Variants in CMSS1 observed in about 807,000 individuals in gnomAD.
The protein encoded by CMSS1 is cms1 ribosomal small subunit homolog.
In CMSS1, 33 loss-of-function variants were observed where a neutral mutation model predicts 43.5. The ratio of observed to expected loss-of-function variants is 0.76; its 90% CI spans 0.57 to 1.01. The LOEUF (loss-of-function observed/expected upper bound fraction) is 1.01. Among genes scored for constraint, CMSS1 ranks in the 50% least tolerant of loss-of-function variants. The pLI, the probability that CMSS1 is intolerant of heterozygous loss-of-function variation, is 0.00. For synonymous variants in CMSS1, 115 were observed against 117.2 expected (o/e 0.98, Z 0.12); for missense variants, 313 against 326.4 (o/e 0.96, Z 0.32).
intron 1 of CMSS1, among the ~76,000 whole-genome samples, chr3:100,141,259 A>G (rs902583343): frequency 2.0e-5 from 3 of 152,252 alleles, no homozygotes; most frequent in Non-Finnish European, 4.4e-5. Flanking sequence ...GCACTAGAAC[A>G]GCTAGCAATC....
chr3:99,937,370 C>A (rs1464810778), intron 1 of CMSS1, among the ~76,000 whole-genome samples: 3 of 152,142 alleles, frequency 2.0e-5, no homozygotes, highest in African/African-American at 7.2e-5. Context: ...GTTCTGTTTT[C>A]ATATATTGTT....
At chr3:100,159,528 C>G (rs1248021372) in intron 2 of CMSS1, among the ~76,000 whole-genome samples, 2 of 152,304 alleles carry the variant, frequency 1.3e-5, no homozygotes, top group Admixed American at 1.3e-4. Context: ...TGAGTATTCT[C>G]TGGTTGGAAT....
intron 1 of CMSS1, among the ~76,000 whole-genome samples, chr3:99,838,996 C>T (rs979317530): frequency 2.0e-5 from 3 of 152,112 alleles, no homozygotes; most frequent in African/African-American, 7.2e-5. Flanking sequence ...ATCCACATTG[C>T]ACTGCTCACT....
chr3:99,849,267 T>C, intron 1 of CMSS1: 1 of 1,614,186 alleles, frequency 6.2e-7, no homozygotes. Context: ...TGTCTACTGC[T>C]TCTGTCTGAA....
At chr3:99,851,188 TAC>T in intron 1 of CMSS1, 1 of 795,380 alleles carries the variant, frequency 1.3e-6, no homozygotes, top group Non-Finnish European at 1.9e-6. Flanking sequence ...TCAGTTCATA[TAC>T]AATATGCAAA....
In CMSS1 at chr3:99,984,120, A is replaced by T. The variant is rs545358582; in HGVS notation, c.65-162853A>T. ...AGAATATCAGGTGCTCAGGTATGAAATAATTGATCCATAGTTCTGGAAGTC... is the reference window on the plus strand; with the variant it reads ...AGAATATCAGGTGCTCAGGTATGAATTAATTGATCCATAGTTCTGGAAGTC... On this transcript the variant is annotated intron_variant, in intron 1 of 9. Coordinates refer to ENST00000421999, the MANE Select transcript of CMSS1 (RefSeq NM_032359.4). Among the ~76,000 whole-genome samples the T allele has an allele frequency of 2.0e-5, 3 of 151,786 alleles. No individual in the cohort carries two copies. The South Asian group carries it at 6.3e-4, about 32-fold the overall frequency.
chr3:100,054,353 C>G (rs114678362), intron 1 of CMSS1, among the ~76,000 whole-genome samples: 1,787 of 152,230 alleles, frequency 0.012, 23 homozygotes, highest in African/African-American at 0.026. Context: ...CTTGAAAGCT[C>G]AGATCTGGAA....
At chr3:100,050,521 G>A in intron 1 of CMSS1, among the ~76,000 whole-genome samples, 1 of 152,132 alleles carries the variant, frequency 6.6e-6, no homozygotes, top group South Asian at 2.1e-4. Context: ...CCCACAATTT[G>A]TTTGTTTATT....
intron 1 of CMSS1, among the ~76,000 whole-genome samples, chr3:100,068,743 T>A (rs1224255630): frequency 1.3e-5 from 2 of 152,230 alleles, no homozygotes; most frequent in African/African-American, 4.8e-5. Flanking sequence ...TTTTCCTGCC[T>A]CAGCCTCCCA....
At chr3:100,015,678 C>G (rs1710319861) in intron 1 of CMSS1, among the ~76,000 whole-genome samples, 1 of 152,150 alleles carries the variant, frequency 6.6e-6, no homozygotes, top group East Asian at 1.9e-4. Flanking sequence ...GAAACTTGCT[C>G]TTAAATTTTC....
chr3:99,892,124 G>A (rs777532352), intron 1 of CMSS1, among the ~76,000 whole-genome samples: 1 of 152,152 alleles, frequency 6.6e-6, no homozygotes, highest in Non-Finnish European at 1.5e-5. Context: ...AATATCACTG[G>A]AGTCTCATTC....
At chr3:99,973,824 G>T (rs1708892154) in intron 1 of CMSS1, among the ~76,000 whole-genome samples, 1 of 152,170 alleles carries the variant, frequency 6.6e-6, no homozygotes, top group Non-Finnish European at 1.5e-5. Flanking sequence ...CTATTCCTAG[G>T]CCTGGTGTTT....
intron 1 of CMSS1, among the ~76,000 whole-genome samples, chr3:99,985,867 G>A (rs1415766659): frequency 1.3e-5 from 2 of 152,152 alleles, no homozygotes; most frequent in Non-Finnish European, 2.9e-5. Context: ...GGGATTACAG[G>A]CGTGAGCCAC....
At chr3:99,991,826 A>G (rs951266483) in intron 1 of CMSS1, among the ~76,000 whole-genome samples, 5 of 77,106 alleles carry the variant, frequency 6.5e-5, no homozygotes, top group African/African-American at 8.4e-5. Context: ...TGGTGTGTGT[A>G]TATATATATA....
chr3:100,103,174 A>AT (rs993609189), intron 1 of CMSS1, among the ~76,000 whole-genome samples: 2 of 152,194 alleles, frequency 1.3e-5, no homozygotes, highest in Non-Finnish European at 2.9e-5. Context: ...GAAACTGGTG[A>AT]TTTGAAGTCT....
chr3:100,077,386 G>C (rs557220509), intron 1 of CMSS1, among the ~76,000 whole-genome samples: 2 of 152,302 alleles, frequency 1.3e-5, no homozygotes, highest in South Asian at 4.1e-4. Context: ...GAGTGTTTCA[G>C]GACAGCAACC....
intron 1 of CMSS1, among the ~76,000 whole-genome samples, chr3:99,959,522 TG>T (rs2107700708): frequency 6.6e-6 from 1 of 152,360 alleles, no homozygotes; most frequent in Non-Finnish European, 1.5e-5. Context: ...TCATTTAATT[TG>T]TGTGTAGCTC....
chr3:100,115,020 G>T, intron 1 of CMSS1: 1 of 1,463,950 alleles, frequency 6.8e-7, no homozygotes, highest in South Asian at 1.2e-5. Context: ...ATTATTATTT[G>T]ACATTTTGTT....
intron 1 of CMSS1, among the ~76,000 whole-genome samples, chr3:100,039,622 G>A (rs751002306): frequency 2.6e-5 from 4 of 152,066 alleles, no homozygotes; most frequent in South Asian, 2.1e-4. Context: ...GAAAAGCATT[G>A]TCCCTAGAGT....
Sources: allele counts gnomAD v4.1 joint callset (sites outside exome capture counted in the v4.1 genomes callset), GRCh38; gene constraint gnomAD v4.1.1; transcripts MANE v1.5; gene names NCBI Gene and HGNC (gene_info 2026-07-23, HGNC 2026-07-21).